Variants in RARB observed in about 807,000 individuals in gnomAD.
RARB encodes retinoic acid receptor beta, also known as HBV-activated protein.
Under a neutral mutation model 51.9 loss-of-function variants are expected in RARB, and 17 were observed. The observed-to-expected ratio is 0.33, with a 90% CI of 0.22 to 0.49. The LOEUF (loss-of-function observed/expected upper bound fraction) is 0.49, where lower values mean the gene tolerates loss of function less well. Among genes scored for constraint, RARB ranks in the 20% least tolerant of loss-of-function variants. RARB has a pLI of 0.99. For missense variants in RARB, 369 were observed against 550.8 expected, an observed-to-expected ratio of 0.67 and a Z score of 3.30; for synonymous variants, 215 against 195.4, an observed-to-expected ratio of 1.10 and a Z score of -0.84.
At chr3:24,853,953 ATGTTAC>A (rs1702599171) in intron 1 of RARB, among the ~76,000 whole-genome samples, 1 of 152,222 alleles carries the variant, frequency 6.6e-6, no homozygotes, top group Non-Finnish European at 1.5e-5. Context: ...ATTCCCAATT[ATGTTAC>A]AATGCTAGAG....
intron 2 of RARB, among the ~76,000 whole-genome samples, chr3:25,010,053 A>G (rs1234099541): frequency 6.6e-6 from 1 of 152,104 alleles, no homozygotes; most frequent in Non-Finnish European, 1.5e-5. Context: ...ATTGTTTATT[A>G]TAACCTTAGT....
At position 25,122,859 on chromosome 3, in the gene RARB, G is replaced by A. The variant is rs1429053830; in HGVS notation, c.-327-9302G>A. Reference sequence around the variant, plus strand: ...GGAAGAAACCCAAAATGCCCCAAACGGTTATAACATTCAAGATCTCTGGTG... The same window carrying A: ...GGAAGAAACCCAAAATGCCCCAAACAGTTATAACATTCAAGATCTCTGGTG... On this transcript the variant is annotated intron_variant, in intron 3 of 11. Transcript: ENST00000383772. 3.9e-5 allele frequency among the ~76,000 whole-genome samples: 6 copies of A among 152,164 alleles called. No homozygotes were observed. The East Asian group carries it at 9.7e-4, about 25-fold the overall frequency.
At chr3:25,178,363 A>G (rs748065135) in intron 5 of RARB, among the ~76,000 whole-genome samples, 5 of 152,058 alleles carry the variant, frequency 3.3e-5, no homozygotes, top group Non-Finnish European at 7.4e-5. Context: ...ATTTTGGATT[A>G]CTCACACAGC....
At chr3:25,562,070 T>G (rs1012732123) in intron 3 of RARB, among the ~76,000 whole-genome samples, 1 of 152,200 alleles carries the variant, frequency 6.6e-6, no homozygotes, top group African/African-American at 2.4e-5. Context: ...AGACTATTGA[T>G]TCCTGAACCT....
chr3:25,474,338 G>T (rs1365546743), intron 2 of RARB, among the ~76,000 whole-genome samples: 1 of 152,134 alleles, frequency 6.6e-6, no homozygotes, highest in East Asian at 1.9e-4. Context: ...GCCACATCTG[G>T]GGACTTTGCG....
chr3:25,135,361 ATTAC>A (rs1700016203), intron 4 of RARB, among the ~76,000 whole-genome samples: 1 of 151,968 alleles, frequency 6.6e-6, no homozygotes, highest in Non-Finnish European at 1.5e-5. Flanking sequence ...CGTCCTTCAT[ATTAC>A]TTCTATTTCC....
intron 2 of RARB, among the ~76,000 whole-genome samples, chr3:24,949,984 G>A (rs1429726475): frequency 6.6e-6 from 1 of 152,148 alleles, no homozygotes; most frequent in Non-Finnish European, 1.5e-5. Context: ...AAGAGCGAAA[G>A]GACAGATTAT....
At chr3:25,193,610 GTATTTGTTCATCT>G (rs1159262130) in intron 5 of RARB, among the ~76,000 whole-genome samples, 2 of 151,910 alleles carry the variant, frequency 1.3e-5, no homozygotes, top group Admixed American at 1.3e-4. Flanking sequence ...GTTCATTTTA[GTATTTGTTCATCT>G]TATTTGTTGC....
intron 5 of RARB, among the ~76,000 whole-genome samples, chr3:25,191,358 G>T (rs970938469): frequency 5.3e-5 from 8 of 151,998 alleles, no homozygotes; most frequent in African/African-American, 1.9e-4. Context: ...CTCTAATAAA[G>T]AATTTTGTTT....
At chr3:25,006,969 T>C (rs934433750) in intron 2 of RARB, among the ~76,000 whole-genome samples, 1 of 152,198 alleles carries the variant, frequency 6.6e-6, no homozygotes, top group Non-Finnish European at 1.5e-5. Context: ...CACAGTATTA[T>C]GTAGTCCTTT....
At chr3:25,470,435 G>A (rs917622977) in intron 2 of RARB, among the ~76,000 whole-genome samples, 6 of 152,096 alleles carry the variant, frequency 3.9e-5, no homozygotes, top group East Asian at 1.9e-4. Context: ...AAGGAGTCTC[G>A]GATCCCTCTG....
intron 3 of RARB, among the ~76,000 whole-genome samples, chr3:25,519,138 A>G (rs144809564): frequency 1.4e-4 from 21 of 152,250 alleles, no homozygotes; most frequent in African/African-American, 5.1e-4. Context: ...GTTACTGAGT[A>G]GCATTCTATT....
At chr3:25,366,526 A>G (rs1016709141) in intron 5 of RARB, among the ~76,000 whole-genome samples, 3 of 152,228 alleles carry the variant, frequency 2.0e-5, no homozygotes, top group Non-Finnish European at 4.4e-5. Flanking sequence ...AAAGATTCCT[A>G]GAAAACTGAT....
chr3:25,279,589 A>G (rs904312636), intron 5 of RARB, among the ~76,000 whole-genome samples: 5 of 152,146 alleles, frequency 3.3e-5, no homozygotes, highest in African/African-American at 1.2e-4. Context: ...TAAAAAAAAA[A>G]AAAGTTAAAT....
intron 2 of RARB, among the ~76,000 whole-genome samples, chr3:24,936,212 T>C (rs1362269679): frequency 6.6e-6 from 1 of 152,170 alleles, no homozygotes. Context: ...GATAGCATCA[T>C]AATTTTGAGA....
intron 2 of RARB, among the ~76,000 whole-genome samples, chr3:24,980,659 T>C (rs1032316968): frequency 6.6e-5 from 10 of 152,128 alleles, no homozygotes; most frequent in African/African-American, 2.4e-4. Flanking sequence ...TAGTTAGCCA[T>C]TCGTCTAACC....
chr3:25,476,447 C>T (rs1194013818), intron 2 of RARB, among the ~76,000 whole-genome samples: 2 of 151,930 alleles, frequency 1.3e-5, no homozygotes, highest in Non-Finnish European at 2.9e-5. Flanking sequence ...TTGGCTGTGC[C>T]TTCTATTTTT....
At chr3:25,584,999 G>A (rs1216128173) in intron 5 of RARB, among the ~76,000 whole-genome samples, 2 of 147,856 alleles carry the variant, frequency 1.4e-5, no homozygotes, top group African/African-American at 5.2e-5. Context: ...CATAGATCCT[G>A]CTTTCCTTCA....
chr3:24,918,079 C>T (rs1292286580), intron 2 of RARB, among the ~76,000 whole-genome samples: 1 of 152,202 alleles, frequency 6.6e-6, no homozygotes, highest in Admixed American at 6.5e-5. Context: ...AACATACATC[C>T]ACACAAAGGC....
Sources: gnomAD v4.1 joint callset for allele counts (sites outside exome capture counted in the v4.1 genomes callset) on GRCh38, gnomAD v4.1.1 for gene constraint, MANE v1.5 for transcripts, NCBI Gene and HGNC (gene_info 2026-07-23, HGNC 2026-07-21) for gene names.